Variants in CPSF3 observed in about 807,000 individuals in gnomAD.
The protein encoded by CPSF3 is cleavage and polyadenylation specificity factor subunit 3.
CPSF3 carries 57 observed loss-of-function variants against 84.1 expected under a neutral mutation model. The ratio of observed to expected loss-of-function variants is 0.68; its 90% confidence interval spans 0.55 to 0.85. The LOEUF (loss-of-function observed/expected upper bound fraction) is 0.85. Among genes scored for constraint, CPSF3 ranks in the 40% least tolerant of loss-of-function variants. The pLI is 0.00. For synonymous variants in CPSF3, 275 were observed against 278.1 expected (o/e 0.99, Z 0.11); for missense variants, 522 against 838.8 (o/e 0.62, Z 4.66).
At chr2:9,431,546 T>TC (rs1159242693) in intron 4 of CPSF3, among the ~76,000 whole-genome samples, 2 of 120,964 alleles carry the variant, frequency 1.7e-5, no homozygotes, top group African/African-American at 7.0e-5. Context: ...TTTTCTTTTT[T>TC]TTTTTCTTTT....
chr2:9,430,425 G>A (rs1279728982), intron 3 of CPSF3, among the ~76,000 whole-genome samples: 3 of 146,814 alleles, frequency 2.0e-5, no homozygotes, highest in East Asian at 1.9e-4. Context: ...AGTGACCTCA[G>A]GGAGATATCC....
rs147376058 is a variant in CPSF3 at position 9,434,316 on chromosome 2, C to T, written c.609+356C>T. ...CCCAGAAGGTGGAGGTTGCAGTGAG[C>T]CAAGATCACGCTGCTGCACTCGAGC... On this transcript the variant is annotated intron_variant, in intron 6 of 17. Coordinates refer to ENST00000238112, the MANE Select transcript of CPSF3 (RefSeq NM_016207.4). Among the ~76,000 whole-genome samples, 890 of 151,992 alleles carry T rather than the reference C, an allele frequency of 5.9e-3. 11 individuals carry two copies. Among genetic ancestry groups the T allele is most frequent in the African/African-American group, 0.02 (838 of 41,378 alleles).
chr2:9,472,556 G>T (rs766111166), intron 17 of CPSF3, among the ~76,000 whole-genome samples: 1 of 152,156 alleles, frequency 6.6e-6, no homozygotes, highest in African/African-American at 2.4e-5. Context: ...TTAGGACCGT[G>T]CTGCTGTCAG....
intron 15 of CPSF3, among the ~76,000 whole-genome samples, chr2:9,462,494 C>A (rs1347557255): frequency 6.6e-6 from 1 of 152,220 alleles, no homozygotes; most frequent in South Asian, 2.1e-4. Context: ...GAGGAGGGAT[C>A]ACAGAGATGT....
chr2:9,424,023 A>G, intron 1 of CPSF3, 200 bp downstream of exon 1: 1 of 1,296,400 alleles, frequency 7.7e-7, no homozygotes, highest in African/African-American at 1.5e-5. Context: ...AGTGAACGGG[A>G]TTTTGCTTTT....
At chr2:9,466,308 ACACT>A (rs1169813921) in intron 15 of CPSF3, among the ~76,000 whole-genome samples, 1 of 108,154 alleles carries the variant, frequency 9.2e-6, no homozygotes, top group African/African-American at 3.0e-5. Flanking sequence ...ATGCACACGC[ACACT>A]GACGCACGCA....
At position 9,471,248 on chromosome 2, in the gene CPSF3, T is replaced by C. The variant is rs1042727397; in HGVS notation, c.1857-95T>C. The stretch of plus-strand genomic sequence containing the variant: ...AAGAAAAAAAGTAAATACAGTATTC[T>C]GCTTTAGAACTAGGACCTATCTTCA... On this transcript the variant is annotated intron_variant, in intron 16 of 17. Transcript: ENST00000238112. 8.1e-5 allele frequency: 61 copies of C among 757,568 alleles called. 1 individual carries two copies. The African/African-American group carries it at 9.7e-4, about 12-fold the overall frequency. 46.9% of individuals were successfully genotyped at this position (757,568 alleles called of 1,614,324 possible).
In CPSF3 at chr2:9,465,919, CTT is replaced by C. The variant is rs145964883; in HGVS notation, c.1787-1786_1787-1785del. ...AAGGATTTTAAAATTCTGCACTACT[CTT>C]TGTAACAGCATTATTGATACATAAT... On this transcript the variant is annotated intron_variant, in intron 15 of 17. Transcript: ENST00000238112. Among the ~76,000 whole-genome samples the C allele has an allele frequency of 5.1e-3, 773 of 152,254 alleles. 6 individuals carry two copies. The highest frequency in any genetic ancestry group is 0.017 in the African/African-American group (719 of 41,526).
intron 12 of CPSF3, 30 bp downstream of exon 12, chr2:9,453,051 C>T (rs1404146586): frequency 1.5e-6 from 2 of 1,356,594 alleles, no homozygotes; most frequent in Non-Finnish European, 2.1e-6. Flanking sequence ...TCAAATCCAA[C>T]TTCACCTTAG....
Position 9,457,147 on chromosome 2 carries a change from ATGTGTGTGTG to A in CPSF3, c.1698+155_1698+164del, listed in dbSNP as rs70948817. ...GAAAAAGAATATTGTTGGAAAGTATATGTGTGTGTGTGTGTGTGTGTGTGTGTGTGTGTGT... is the reference window on the plus strand; with the variant it reads ...GAAAAAGAATATTGTTGGAAAGTATATGTGTGTGTGTGTGTGTGTGTGTGT... On this transcript the variant is annotated intron_variant, in intron 14 of 17. Coordinates refer to ENST00000238112, the MANE Select transcript of CPSF3 (RefSeq NM_016207.4). 7.9e-3 allele frequency: 2,651 copies of A among 334,012 alleles called. 65 individuals are homozygous for A. Among genetic ancestry groups the A allele is most frequent in the African/African-American group, 0.053 (2,345 of 44,576 alleles). The allele number at this position is 334,012 out of a possible 1,614,324, so 20.7% of individuals were successfully genotyped here.
intron 1 of CPSF3, among the ~76,000 whole-genome samples, chr2:9,427,467 A>G (rs1246896248): frequency 3.3e-5 from 5 of 152,220 alleles, no homozygotes; most frequent in African/African-American, 1.2e-4. Flanking sequence ...AATGAAATGG[A>G]GAAAACAGCC....
chr2:9,452,935 A>G lies in CPSF3; in HGVS notation c.1418A>G (p.Lys473Arg), dbSNP rs1128215. Residue 473 changes from lysine (K) to arginine (R), a missense_variant, in exon 12 of 18, where the codon AAA becomes AGA. Physicochemically the swap from Lys to Arg is conservative, Grantham distance 26 (BLOSUM62 2). Around this residue, in one of 2 missense-constraint regions of CPSF3, gnomAD observed 329 missense variants for 607.2 expected, o/e 0.54. Coordinates refer to ENST00000238112, the MANE Select transcript of CPSF3 (RefSeq NM_016207.4). Reference protein sequence around the residue: ...LAKVMGFLADKKPEQGQRVSG... With the variant: ...LAKVMGFLADRKPEQGQRVSG... ...CAGGTTATGGGATTTTTAGCAGACA[A>G]AAAACCAGAACAAGGCCAGCGGGTC... 9,901 of 1,602,796 alleles carry G rather than the reference A, an allele frequency of 6.2e-3. 53 individuals carry two copies. Among genetic ancestry groups the G allele is most frequent in the Middle Eastern group, 0.016 (95 of 5,982 alleles).
At chr2:9,460,257 G>A (rs1458170207) in intron 15 of CPSF3, among the ~76,000 whole-genome samples, 3 of 151,886 alleles carry the variant, frequency 2.0e-5, no homozygotes, top group Admixed American at 1.3e-4. Flanking sequence ...GTGAAACCTC[G>A]TCTCTACTAA....
intron 12 of CPSF3, 21 bp from the exon 13 acceptor site, chr2:9,455,638 C>T: frequency 6.4e-7 from 1 of 1,568,116 alleles, no homozygotes; most frequent in Non-Finnish European, 8.8e-7. Flanking sequence ...TTCTTCAAGT[C>T]TCTTCTCATT....
chr2:9,471,218 A>G (rs1682150185), intron 16 of CPSF3, 125 bp from the exon 17 acceptor site: 3 of 586,420 alleles, frequency 5.1e-6, no homozygotes, highest in Admixed American at 2.9e-5. Flanking sequence ...CATCTCAAAA[A>G]AAAAAAGAAA....
chr2:9,464,730 C>G (rs931298863), intron 15 of CPSF3, among the ~76,000 whole-genome samples: 2 of 151,934 alleles, frequency 1.3e-5, no homozygotes, highest in Admixed American at 1.3e-4. Context: ...GTAGCTGGGA[C>G]TATAGACGCA....
chr2:9,423,987 C>A (rs534670043), intron 1 of CPSF3, 164 bp downstream of exon 1: 59 of 1,424,228 alleles, frequency 4.1e-5, no homozygotes, highest in Non-Finnish European at 9.2e-7. Context: ...GTTGGAGGAC[C>A]GTTGATCGGA....
At chr2:9,457,191 G>GTGTGTGTGT (rs397983831) in intron 14 of CPSF3, among the ~76,000 whole-genome samples, 164 bp downstream of exon 14, 6 of 144,056 alleles carry the variant, frequency 4.2e-5, no homozygotes, top group South Asian at 2.2e-4. Context: ...GTGTGTGTGT[G>GTGTGTGTGT]GTTTTAAGGA....
intron 12 of CPSF3, 74 bp downstream of exon 12, chr2:9,453,095 C>G: frequency 2.3e-6 from 2 of 886,906 alleles, no homozygotes; most frequent in Non-Finnish European, 3.4e-6. Context: ...CTTCTCTTCA[C>G]CTTGTGGCCT....
Sources: gnomAD v4.1 joint callset for allele counts (sites outside exome capture counted in the v4.1 genomes callset) on GRCh38, gnomAD v4.1.1 for gene constraint, gnomAD v4.1.1 regional missense constraint, MANE v1.5 for transcripts, NCBI Gene and HGNC (gene_info 2026-07-23, HGNC 2026-07-21) for gene names.